Variants in GPR149 observed in about 807,000 individuals in gnomAD.
The protein encoded by GPR149 is probable G protein-coupled receptor 149.
Under a neutral mutation model 50.2 loss-of-function variants are expected in GPR149, and 50 were observed. The ratio of observed to expected loss-of-function variants is 1.00; its 90% CI spans 0.79 to 1.26. GPR149 has a LOEUF of 1.26. Among genes scored for constraint, GPR149 ranks in the 50% most tolerant of loss-of-function variants. GPR149 has a pLI of 0.00. For missense variants in GPR149, 983 were observed against 895.4 expected (o/e 1.10, Z -1.25); for synonymous variants, 405 against 358.2 (o/e 1.13, Z -1.48).
intron 3 of GPR149, among the ~76,000 whole-genome samples, chr3:154,346,334 T>C (rs150658825): frequency 1.1e-3 from 169 of 152,352 alleles, no homozygotes; most frequent in African/African-American, 3.9e-3. Flanking sequence ...TTTTATTCAA[T>C]ATGCAAAACT....
At chr3:154,420,719 A>G (rs1712117749) in intron 3 of GPR149, among the ~76,000 whole-genome samples, 1 of 151,954 alleles carries the variant, frequency 6.6e-6, no homozygotes, top group African/African-American at 2.4e-5. Flanking sequence ...TACAAATTAA[A>G]TTAATTTGGA....
intron 2 of GPR149, among the ~76,000 whole-genome samples, chr3:154,424,518 A>G (rs762252582): frequency 6.6e-6 from 1 of 151,816 alleles, no homozygotes; most frequent in East Asian, 1.9e-4. Flanking sequence ...TCCTACTTTT[A>G]TATCACTAAA....
intron 3 of GPR149, among the ~76,000 whole-genome samples, chr3:154,399,076 A>AAT (rs1715360827): frequency 6.6e-6 from 1 of 152,164 alleles, no homozygotes; most frequent in African/African-American, 2.4e-5. Flanking sequence ...AGAAACACTA[A>AAT]ATGCTAGTCC....
intron 3 of GPR149, among the ~76,000 whole-genome samples, chr3:154,342,892 G>A (rs1713830399): frequency 6.6e-6 from 1 of 152,146 alleles, no homozygotes; most frequent in South Asian, 2.1e-4. Context: ...TTGATCCTAT[G>A]TCTGTGAGTC....
rs754011865 is a variant in GPR149, at chr3:154,421,240, T to C, written c.1422A>G (p.Thr474=). 2.5e-6 allele frequency: 4 copies of C among 1,613,458 alleles called. No homozygotes were observed. In the Admixed American group the frequency reaches 6.7e-5, roughly 27 times the overall value. The part of the protein sequence containing the change: ...SSTQRGINKC[T]NTDITEAKQD... Reference sequence around the variant, plus strand: ...GTTTAGCTTCTGTAATATCAGTATTTGTGCATTTGTTGATGCCTCTTTGTG... The same window carrying C: ...GTTTAGCTTCTGTAATATCAGTATTCGTGCATTTGTTGATGCCTCTTTGTG... The change falls in exon 3 of 4, where the codon ACA becomes ACG. Residue 474 remains threonine (T), a synonymous_variant. Transcript: ENST00000389740.
intron 3 of GPR149, among the ~76,000 whole-genome samples, chr3:154,406,910 T>C (rs1711711524): frequency 6.6e-6 from 1 of 152,204 alleles, no homozygotes; most frequent in Admixed American, 6.5e-5. Flanking sequence ...AAAAGTTTTA[T>C]GGATTCACAG....
At chr3:154,417,467 A>G in intron 3 of GPR149, among the ~76,000 whole-genome samples, 1 of 151,324 alleles carries the variant, frequency 6.6e-6, no homozygotes, top group African/African-American at 2.4e-5. Flanking sequence ...AACTTTAATT[A>G]AAAAAAAGCA....
intron 3 of GPR149, among the ~76,000 whole-genome samples, chr3:154,388,097 C>T (rs1515647): frequency 0.097 from 14,690 of 152,022 alleles, 809 homozygotes; most frequent in East Asian, 0.23. Context: ...TATATAGATT[C>T]TAATAAAATA....
At chr3:154,415,101 A>T (rs1455118380) in intron 3 of GPR149, among the ~76,000 whole-genome samples, 1 of 151,462 alleles carries the variant, frequency 6.6e-6, no homozygotes, top group East Asian at 1.9e-4. Flanking sequence ...TAAAAAGTTT[A>T]AAAAATGTAG....
At chr3:154,421,631 A>G in intron 2 of GPR149, 144 bp from the exon 3 acceptor site, 1 of 500,204 alleles carries the variant, frequency 2.0e-6, no homozygotes, top group East Asian at 3.2e-5. Context: ...TTTGTCAGTT[A>G]TGCAAAGAAA....
chr3:154,411,141 T>G (rs972702314), intron 3 of GPR149, among the ~76,000 whole-genome samples: 1 of 152,118 alleles, frequency 6.6e-6, no homozygotes, highest in East Asian at 1.9e-4. Flanking sequence ...TTCTTTGAAC[T>G]GAATGATAAT....
chr3:154,360,094 G>A (rs903619084), intron 3 of GPR149, among the ~76,000 whole-genome samples: 6 of 152,136 alleles, frequency 3.9e-5, no homozygotes, highest in Non-Finnish European at 8.8e-5. Context: ...GAAAGAAGAC[G>A]ATTTGAAAAA....
intron 3 of GPR149, among the ~76,000 whole-genome samples, chr3:154,418,158 G>T (rs1230953087): frequency 7.3e-6 from 1 of 137,444 alleles, no homozygotes; most frequent in African/African-American, 2.9e-5. Flanking sequence ...TAAAAAGTCA[G>T]GAAACAACAG....
intron 3 of GPR149, chr3:154,352,646 T>C: frequency 2.6e-6 from 2 of 778,580 alleles, no homozygotes; most frequent in Non-Finnish European, 2.4e-6. Flanking sequence ...TGGGCTAAAG[T>C]TGCAGCCAAT....
At chr3:154,404,465 T>A (rs1367290845) in intron 3 of GPR149, among the ~76,000 whole-genome samples, 1 of 152,226 alleles carries the variant, frequency 6.6e-6, no homozygotes, top group East Asian at 1.9e-4. Context: ...TAGAGAATAA[T>A]ACCCAAATCT....
At chr3:154,404,475 T>C (rs1162171425) in intron 3 of GPR149, among the ~76,000 whole-genome samples, 1 of 152,210 alleles carries the variant, frequency 6.6e-6, no homozygotes, top group East Asian at 1.9e-4. Context: ...TACCCAAATC[T>C]CACTCCAGAC....
intron 3 of GPR149, among the ~76,000 whole-genome samples, chr3:154,413,565 C>T (rs759425426): frequency 6.6e-6 from 1 of 151,728 alleles, no homozygotes; most frequent in Non-Finnish European, 1.5e-5. Flanking sequence ...CTCAACACCA[C>T]TAATGATCAG....
chr3:154,352,901 G>C (rs1714117084), intron 3 of GPR149: 1 of 877,694 alleles, frequency 1.1e-6, no homozygotes, highest in Non-Finnish European at 2.0e-6. Context: ...CTCTACCTGT[G>C]CATCCAGAGC....
At chr3:154,352,686 T>C (rs1368790946) in intron 3 of GPR149, 2 of 781,016 alleles carry the variant, frequency 2.6e-6, no homozygotes, top group Non-Finnish European at 4.8e-6. Context: ...CTTCTATCAG[T>C]CTCTGAGCTG....
Sources: allele counts gnomAD v4.1 joint callset (sites outside exome capture counted in the v4.1 genomes callset), GRCh38; gene constraint gnomAD v4.1.1; transcripts MANE v1.5; gene names NCBI Gene and HGNC (gene_info 2026-07-23, HGNC 2026-07-21).